The following RAD50 variants were observed in gnomAD, a reference collection of about 807,000 sequenced individuals.
RAD50 encodes the protein DNA repair protein RAD50.
RAD50 carries 132 observed loss-of-function variants against 168.8 expected under a neutral mutation model. That is an observed-to-expected ratio of 0.78 (90% CI 0.68 to 0.90). The LOEUF (loss-of-function observed/expected upper bound fraction) is 0.90, where lower values mean the gene tolerates loss of function less well. Ranked by LOEUF, RAD50 falls within the 40% of genes least tolerant of loss-of-function variation. RAD50 has a pLI of 0.00. For missense variants in RAD50, 1,347 were observed against 1,534.4 expected (o/e 0.88, Z 2.04); for synonymous variants, 525 against 497.4 (o/e 1.06, Z -0.74).
intron 3 of RAD50, 29 bp from the exon 4 acceptor site, chr5:132,579,288 C>T (rs749311783): frequency 5.0e-6 from 8 of 1,596,348 alleles, no homozygotes; most frequent in Non-Finnish European, 5.2e-6. Flanking sequence ...GGTTATTTTA[C>T]ATATATTCTT....
At chr5:132,603,891 A>G (rs776599695) in intron 14 of RAD50, 29 bp from the exon 15 acceptor site, 26 of 1,544,782 alleles carry the variant, frequency 1.7e-5, no homozygotes, top group Middle Eastern at 1.7e-4. Context: ...TAAGTTTATT[A>G]AAGGAAATCA....
At chr5:132,618,012 A>G in intron 20 of RAD50, 58 bp from the exon 21 acceptor site, 1 of 1,373,154 alleles carries the variant, frequency 7.3e-7, no homozygotes, top group South Asian at 1.2e-5. Flanking sequence ...TGACTTTTCC[A>G]CTTCAGGTTG....
chr5:132,564,510 TC>T (rs1750174955), intron 2 of RAD50, among the ~76,000 whole-genome samples: 1 of 152,056 alleles, frequency 6.6e-6, no homozygotes, highest in African/African-American at 2.4e-5. Context: ...CCTGGCTGCT[TC>T]TAGCAGTATA....
intron 2 of RAD50, among the ~76,000 whole-genome samples, chr5:132,575,011 A>G (rs193196319): frequency 6.0e-4 from 92 of 152,278 alleles, no homozygotes; most frequent in African/African-American, 1.7e-3. Context: ...TGAGCCTTCT[A>G]AACTGTTCCA....
In RAD50 at chr5:132,643,725, TGGGGGGGG is replaced by T. The variant is rs79229143; in HGVS notation, c.*1363_*1370del. The T allele has an allele frequency of 1.0e-5, 1 of 99,394 alleles. No homozygotes were observed. Among genetic ancestry groups the T allele is most frequent in the Non-Finnish European group, 1.9e-5 (1 of 51,884 alleles). 6.2% of individuals were successfully genotyped at this position (99,394 alleles called of 1,614,324 possible). A position where few individuals can be genotyped will look rare whatever the true frequency, so the allele number is the denominator to read the frequency against. ...GAGTATCCTGGGGGTGGTGGTGGGG[TGGGGGGGG>T]GTCCTAAATGTAATCACGAGTAAGA... On this transcript the variant is annotated 3_prime_UTR_variant, in exon 25 of 25. Coordinates refer to ENST00000378823, the MANE Select transcript of RAD50 (RefSeq NM_005732.4).
chr5:132,620,541 T>C (rs1434478144), intron 21 of RAD50, among the ~76,000 whole-genome samples: 1 of 152,228 alleles, frequency 6.6e-6, no homozygotes, highest in Non-Finnish European at 1.5e-5. Context: ...TTCATATTCA[T>C]TCTGATTACT....
chr5:132,577,052 A>G (rs1460706751), intron 3 of RAD50, among the ~76,000 whole-genome samples: 6 of 152,224 alleles, frequency 3.9e-5, no homozygotes, highest in South Asian at 4.1e-4. Flanking sequence ...TCTTACACTT[A>G]TGTAGTTTAG....
At chr5:132,565,417 G>A (rs1750190994) in intron 2 of RAD50, among the ~76,000 whole-genome samples, 1 of 152,060 alleles carries the variant, frequency 6.6e-6, no homozygotes, top group Admixed American at 6.5e-5. Flanking sequence ...ACCTCATATG[G>A]GCTGACTCCA....
chr5:132,615,871 A>G, intron 19 of RAD50, 132 bp from the exon 20 acceptor site: 2 of 915,336 alleles, frequency 2.2e-6, no homozygotes, highest in Non-Finnish European at 3.5e-6. Flanking sequence ...ACACTGGCTT[A>G]TTCTCCCTCT....
At position 132,595,600 on chromosome 5, in the gene RAD50, A is replaced by T. The variant is rs1750776014; in HGVS notation, c.1997A>T (p.Tyr666Phe). The change falls in exon 13 of 25, where the codon TAC becomes TTC. Residue 666 changes from tyrosine (Y) to phenylalanine (F), a missense_variant. This residue lies in a region of RAD50 where 703 missense variants were observed against 767.7 expected (regional missense o/e 0.92). Transcript: ENST00000378823. ...ATGCTGGCTGGAGCCACAGCAGTTT[A>T]CTCCCAGTTCATTACTCAGCTAACA... Reference protein sequence around the residue: ...RAMLAGATAVYSQFITQLTDE... With the variant: ...RAMLAGATAVFSQFITQLTDE... The T allele has an allele frequency of 1.2e-6, 2 of 1,613,682 alleles. No homozygotes were observed. The highest frequency in any genetic ancestry group is 2.2e-5 in the South Asian group (2 of 91,074).
At position 132,615,942 on chromosome 5, in the gene RAD50, T is replaced by A. The variant is rs920996345; in HGVS notation, c.3037-61T>A. The A allele has an allele frequency of 1.7e-5, 25 of 1,463,828 alleles. No homozygotes were observed. In the Admixed American group the frequency reaches 2.4e-4, roughly 14 times the overall value. 90.7% of individuals were successfully genotyped at this position (1,463,828 alleles called of 1,614,324 possible). ...GGCACTTGCTGTCACCAGTTGCCTG[T>A]TACAGATTTCATGTTAGTAACTTGG... On this transcript the variant is annotated intron_variant, in intron 19 of 24. Coordinates refer to ENST00000378823, the MANE Select transcript of RAD50 (RefSeq NM_005732.4).
At chr5:132,607,591 A>G (rs546670193) in intron 16 of RAD50, among the ~76,000 whole-genome samples, 1 of 152,214 alleles carries the variant, frequency 6.6e-6, no homozygotes, top group Non-Finnish European at 1.5e-5. Context: ...AATATAAAAT[A>G]GTACTTGCAT....
At chr5:132,612,623 C>T (rs544953024) in intron 19 of RAD50, among the ~76,000 whole-genome samples, 2 of 152,178 alleles carry the variant, frequency 1.3e-5, no homozygotes, top group African/African-American at 4.8e-5. Context: ...TTGCTTGAGC[C>T]TGGGAGTTCC....
chr5:132,609,273 T>A lies in RAD50; in HGVS notation c.2923-10T>A. On this transcript the variant is annotated splice_polypyrimidine_tract_variant and intron_variant, in intron 18 of 24. Coordinates refer to ENST00000378823, the MANE Select transcript of RAD50 (RefSeq NM_005732.4). ...TTATTCATGTGCTTAAAGAATTTTCTTTTTTGTAGCAAAAAGAAACTGAAC... is the reference window on the plus strand; with the variant it reads ...TTATTCATGTGCTTAAAGAATTTTCATTTTTGTAGCAAAAAGAAACTGAAC... The A allele has an allele frequency of 6.3e-7, 1 of 1,591,758 alleles. No individual in the cohort carries two copies. The highest frequency in any genetic ancestry group is 8.5e-7 in the Non-Finnish European group (1 of 1,178,562).
At chr5:132,615,118 C>T (rs1169618764) in intron 19 of RAD50, among the ~76,000 whole-genome samples, 1 of 152,170 alleles carries the variant, frequency 6.6e-6, no homozygotes, top group Admixed American at 6.5e-5. Context: ...GCCAAATCAC[C>T]CTTCTTTCTG....
intron 16 of RAD50, among the ~76,000 whole-genome samples, chr5:132,607,866 GTA>G (rs1260888143): frequency 6.6e-6 from 1 of 152,130 alleles, no homozygotes; most frequent in Non-Finnish European, 1.5e-5. Context: ...CTAAATAATT[GTA>G]TCTACCTCTA....
chr5:132,626,739 T>G (rs2149857714), intron 21 of RAD50, among the ~76,000 whole-genome samples: 1 of 146,370 alleles, frequency 6.8e-6, no homozygotes, highest in East Asian at 2.0e-4. Context: ...TTATTGTATC[T>G]AACTCTGTTT....
At chr5:132,636,153 G>A (rs114000348) in intron 21 of RAD50, among the ~76,000 whole-genome samples, 147 of 152,260 alleles carry the variant, frequency 9.7e-4, no homozygotes, top group African/African-American at 3.4e-3. Context: ...TTTGTATGAT[G>A]ATCGCAGTAA....
In RAD50 at chr5:132,638,216, G is replaced by A. The variant is rs1458966437; in HGVS notation, c.3611G>A (p.Gly1204Glu). ...GATATGCGAGGACGATGCAGTGCTG[G>A]ACAAAAGGCAGGTATCTCAAAAGCC... ...ALDMRGRCSA[G>E]QKVLASLIIR... The change falls in exon 23 of 25, where the codon GGA (glycine) becomes GAA (glutamate). Residue 1204 changes from glycine to glutamate, a missense_variant. This residue lies in a region of RAD50 where 635 missense variants were observed against 739.2 expected (regional missense o/e 0.86). Coordinates refer to ENST00000378823, the MANE Select transcript of RAD50 (RefSeq NM_005732.4). The A allele has an allele frequency of 1.2e-6, 2 of 1,614,120 alleles. No homozygotes were observed.
Sources: allele counts gnomAD v4.1 joint callset (sites outside exome capture counted in the v4.1 genomes callset), GRCh38; gene constraint gnomAD v4.1.1; regional missense constraint gnomAD v4.1.1; transcripts MANE v1.5; gene names NCBI Gene and HGNC (gene_info 2026-07-23, HGNC 2026-07-21).